The following HEATR4 variants were observed in gnomAD, a reference collection of about 807,000 sequenced individuals.
HEATR4 encodes the protein HEAT repeat-containing protein 4.
A neutral mutation model predicts 108.8 loss-of-function variants in HEATR4; 95 were observed. That is an observed-to-expected ratio of 0.87 (90% CI 0.74 to 1.04). The LOEUF (loss-of-function observed/expected upper bound fraction) is 1.04, where lower values mean the gene tolerates loss of function less well. HEATR4 is among the 50% of genes least tolerant of loss of function. HEATR4 has a pLI of 0.00. For synonymous variants in HEATR4, 443 were observed against 459.4 expected (o/e 0.96, Z 0.46); for missense variants, 1,152 against 1,253.8 (o/e 0.92, Z 1.23).
At position 73,493,104 on chromosome 14, in the gene HEATR4, T is replaced by C; in HGVS notation, c.2806A>G (p.Arg936Gly). ...TFQDEMVLPR[R>G]PSEVCDTEAV... ...TCAGTGTCACAAACCTCGGAAGGTC[T>C]TCTAGGAAGAACCATCTCATCTAGG... The change falls in exon 17 of 18, where the codon AGA becomes GGA. Residue 936 changes from arginine (R) to glycine (G), a missense_variant. Coordinates refer to ENST00000553558, the MANE Select transcript of HEATR4 (RefSeq NM_001220484.1). 6.2e-7 allele frequency: 1 copy of C among 1,613,444 alleles called. No homozygotes were observed. The highest frequency in any genetic ancestry group is 8.5e-7 in the Non-Finnish European group (1 of 1,179,844).
chr14:73,616,973 T>C, the HEATR4 span: 1 of 644,878 alleles, frequency 1.6e-6, no homozygotes. Context: ...CTCCCTGTGA[T>C]TTGTGATGTT....
At chr14:73,569,496 C>T in the HEATR4 span, 2 of 1,611,674 alleles carry the variant, frequency 1.2e-6, no homozygotes, top group African/African-American at 1.3e-5. Flanking sequence ...AATCGCCGTG[C>T]GCGGCCTAGC....
chr14:73,586,398 AAG>A, the HEATR4 span, among the ~76,000 whole-genome samples: 1 of 144,208 alleles, frequency 6.9e-6, no homozygotes. Flanking sequence ...CCGTCTCAAA[AAG>A]AAAAAAAAAA....
At position 73,517,865 on chromosome 14, in the gene HEATR4, G is replaced by A. The variant is rs888521477; in HGVS notation, c.1210+1158C>T. ...GCACTTTGGGAGGCCGAGGTGGACAGATCACGAGGTCAAGAGATCAAGACC... is the reference window on the plus strand; with the variant it reads ...GCACTTTGGGAGGCCGAGGTGGACAAATCACGAGGTCAAGAGATCAAGACC... On this transcript the variant is annotated intron_variant, in intron 5 of 17. Coordinates refer to ENST00000553558, the MANE Select transcript of HEATR4 (RefSeq NM_001220484.1). Among the ~76,000 whole-genome samples, 108 of 152,006 alleles carry A rather than the reference G, an allele frequency of 7.1e-4. 1 individual carries two copies. Among genetic ancestry groups the A allele is most frequent in the Non-Finnish European group, 1.5e-3 (100 of 68,010 alleles).
intron 15 of HEATR4, among the ~76,000 whole-genome samples, chr14:73,495,791 T>C (rs1886078766): frequency 1.3e-5 from 2 of 152,208 alleles, no homozygotes; most frequent in African/African-American, 4.8e-5. Context: ...TTTAAAGTCC[T>C]TTCCCCTCTA....
intron 17 of HEATR4, chr14:73,490,995 G>A (rs1347513834): frequency 1.1e-4 from 146 of 1,356,916 alleles, no homozygotes; most frequent in Non-Finnish European, 1.3e-4. Context: ...CGGCCGGGCG[G>A]GGAAGACTGG....
intron 17 of HEATR4, among the ~76,000 whole-genome samples, chr14:73,485,784 G>A (rs907606886): frequency 1.1e-4 from 17 of 151,840 alleles, no homozygotes; most frequent in South Asian, 4.2e-4. Flanking sequence ...CACAAGAATC[G>A]CTTGAACCTG....
chr14:73,630,429 T>C, the HEATR4 span, among the ~76,000 whole-genome samples: 1 of 152,244 alleles, frequency 6.6e-6, no homozygotes, highest in Non-Finnish European at 1.5e-5. Context: ...TCCTACTTTC[T>C]CTAATAAATC....
chr14:73,486,737 C>T, intron 17 of HEATR4, among the ~76,000 whole-genome samples: 1 of 151,904 alleles, frequency 6.6e-6, no homozygotes, highest in East Asian at 1.9e-4. Context: ...TAGTATATAT[C>T]ACCCTTCCTT....
At chr14:73,515,395 T>G (rs1887535816) in intron 5 of HEATR4, among the ~76,000 whole-genome samples, 1 of 151,968 alleles carries the variant, frequency 6.6e-6, no homozygotes, top group Non-Finnish European at 1.5e-5. Flanking sequence ...AAGAGTCCTG[T>G]GAGGCGGGGT....
intron 1 of HEATR4, among the ~76,000 whole-genome samples, chr14:73,553,021 G>T (rs1889346201): frequency 8.7e-6 from 1 of 114,690 alleles, no homozygotes; most frequent in South Asian, 2.7e-4. Flanking sequence ...TCACGGCCTG[G>T]CCACCTTGTC....
chr14:73,597,406 A>G, the HEATR4 span, among the ~76,000 whole-genome samples: 1 of 151,278 alleles, frequency 6.6e-6, no homozygotes, highest in African/African-American at 2.4e-5. Context: ...TTTATTTGAG[A>G]CAGAGTCTTG....
At position 73,546,305 on chromosome 14, in the gene HEATR4, A is replaced by C. The variant is rs1480509980; in HGVS notation, c.-152+12446T>G. 1.8e-5 allele frequency among the ~76,000 whole-genome samples: 2 copies of C among 114,256 alleles called. 1 individual carries two copies. Among genetic ancestry groups the C allele is most frequent in the Non-Finnish European group, 3.8e-5 (2 of 52,436 alleles). 75.0% of individuals were successfully genotyped at this position (114,256 alleles called of 152,430 possible). A position where few individuals can be genotyped will look rare whatever the true frequency, so the allele number is the denominator to read the frequency against. On this transcript the variant is annotated intron_variant, in intron 1 of 17. Coordinates refer to ENST00000553558, the MANE Select transcript of HEATR4 (RefSeq NM_001220484.1). ...AAAAAAATGTTTTAATAACATGAAA[A>C]ATTTTAAAAAGCACCACAAGGGTTC...
At chr14:73,503,110 G>T in intron 10 of HEATR4, 97 bp from the exon 11 acceptor site, 1 of 932,720 alleles carries the variant, frequency 1.1e-6, no homozygotes, top group Non-Finnish European at 1.7e-6. Context: ...ACTCATCACT[G>T]TACTAATGAG....
the HEATR4 span, chr14:73,594,944 A>G: frequency 7.2e-7 from 1 of 1,385,802 alleles, no homozygotes; most frequent in Non-Finnish European, 9.9e-7. Context: ...ACCTCAAGTG[A>G]TCCGCCCGCC....
chr14:73,626,051 T>C, the HEATR4 span, among the ~76,000 whole-genome samples: 1 of 152,334 alleles, frequency 6.6e-6, no homozygotes, highest in Admixed American at 6.5e-5. Context: ...TTGAAGGCAA[T>C]TAAAAGTCCT....
chr14:73,506,802 C>CTTTTT (rs1470976246), intron 9 of HEATR4, among the ~76,000 whole-genome samples: 13 of 58,030 alleles, frequency 2.2e-4, no homozygotes, highest in African/African-American at 7.3e-4. Flanking sequence ...CTGACTTTAA[C>CTTTTT]TGTTTTTTTT....
At chr14:73,495,480 G>A in intron 15 of HEATR4, 93 bp from the exon 16 acceptor site, 1 of 1,033,248 alleles carries the variant, frequency 9.7e-7, no homozygotes, top group Non-Finnish European at 1.4e-6. Flanking sequence ...GATTGTAGGA[G>A]GCTGAGGAGG....
chr14:73,616,462 G>A, the HEATR4 span, among the ~76,000 whole-genome samples: 2 of 152,084 alleles, frequency 1.3e-5, no homozygotes, highest in African/African-American at 4.8e-5. Flanking sequence ...GGAGGCCAAG[G>A]TGGGCAGATC....
Sources: allele counts gnomAD v4.1 joint callset (sites outside exome capture counted in the v4.1 genomes callset), GRCh38; gene constraint gnomAD v4.1.1; transcripts MANE v1.5; gene names NCBI Gene and HGNC (gene_info 2026-07-23, HGNC 2026-07-21).